Variants in FBXL17 observed in about 807,000 individuals in gnomAD.
FBXL17 encodes the protein F-box/LRR-repeat protein 17.
Under a neutral mutation model 66.2 loss-of-function variants are expected in FBXL17, and 22 were observed. That is an observed-to-expected ratio of 0.33 (90% CI 0.24 to 0.47). The LOEUF (loss-of-function observed/expected upper bound fraction) is 0.47. FBXL17 is among the 20% of genes least tolerant of loss of function. The pLI, the probability that FBXL17 is intolerant of heterozygous loss-of-function variation, is 1.00. For synonymous variants in FBXL17, 474 were observed against 400.5 expected (o/e 1.18, Z -2.19); for missense variants, 878 against 948.2 (o/e 0.93, Z 0.97).
At chr5:108,372,151 A>G (rs1034210212) in intron 1 of FBXL17, among the ~76,000 whole-genome samples, 1 of 152,190 alleles carries the variant, frequency 6.6e-6, no homozygotes, top group Non-Finnish European at 1.5e-5. Context: ...GTGTGTTACC[A>G]CTTCTTATAA....
chr5:108,359,571 C>T (rs762491283), intron 3 of FBXL17, among the ~76,000 whole-genome samples: 2 of 152,126 alleles, frequency 1.3e-5, no homozygotes, highest in Non-Finnish European at 2.9e-5. Flanking sequence ...GTACAAGACT[C>T]TGTTATTTAA....
At chr5:108,130,927 T>C (rs1342260105) in intron 6 of FBXL17, among the ~76,000 whole-genome samples, 4 of 152,152 alleles carry the variant, frequency 2.6e-5, no homozygotes, top group African/African-American at 9.6e-5. Flanking sequence ...AAAAGGAAGA[T>C]AGAATAAGTA....
At chr5:108,224,851 C>A (rs1755032901) in intron 4 of FBXL17, among the ~76,000 whole-genome samples, 2 of 151,998 alleles carry the variant, frequency 1.3e-5, no homozygotes, top group Non-Finnish European at 2.9e-5. Flanking sequence ...TGGTCTCAAA[C>A]TCCTGACCTT....
chr5:108,270,556 C>G (rs1757226703), intron 4 of FBXL17, among the ~76,000 whole-genome samples: 1 of 149,500 alleles, frequency 6.7e-6, no homozygotes, highest in African/African-American at 2.4e-5. Flanking sequence ...AACATGTTCT[C>G]AAGGAAATTT....
rs536995823 is a variant in FBXL17, at chr5:107,980,732, C to G, written c.1822+40193G>C. Among the ~76,000 whole-genome samples, 363 of 139,544 alleles carry G rather than the reference C, an allele frequency of 2.6e-3. 7 individuals carry two copies. Among genetic ancestry groups the G allele is most frequent in the Admixed American group, 5.0e-3 (68 of 13,504 alleles). 91.5% of individuals were successfully genotyped at this position (139,544 alleles called of 152,430 possible). Reference sequence around the variant, plus strand: ...AGTGCAGTGGCGCGATCTCGGCTCACTGTCAGCTCCGCCTCCCGGGTTCAT... The same window carrying G: ...AGTGCAGTGGCGCGATCTCGGCTCAGTGTCAGCTCCGCCTCCCGGGTTCAT... On this transcript the variant is annotated intron_variant, in intron 7 of 8. Coordinates refer to ENST00000542267, the MANE Select transcript of FBXL17 (RefSeq NM_001163315.3).
chr5:108,299,618 A>G (rs1055612141), intron 4 of FBXL17: 12 of 973,310 alleles, frequency 1.2e-5, no homozygotes, highest in Non-Finnish European at 1.5e-5. Flanking sequence ...ATGAATACCT[A>G]TACTTCAAAA....
At chr5:108,040,025 C>A (rs1402561034) in intron 6 of FBXL17, among the ~76,000 whole-genome samples, 1 of 152,086 alleles carries the variant, frequency 6.6e-6, no homozygotes, top group African/African-American at 2.4e-5. Flanking sequence ...TATAGTTTCT[C>A]TAAACCAAAC....
chr5:108,150,479 T>C (rs1189850228), intron 6 of FBXL17, among the ~76,000 whole-genome samples: 2 of 152,172 alleles, frequency 1.3e-5, no homozygotes, highest in African/African-American at 4.8e-5. Context: ...GCTGGGATTA[T>C]AGGCATGAGC....
chr5:108,298,546 T>C, intron 4 of FBXL17: 1 of 972,342 alleles, frequency 1.0e-6, no homozygotes, highest in Non-Finnish European at 1.2e-6. Context: ...TAAGGAGAAA[T>C]CAACAAAAAT....
chr5:107,891,673 A>G (rs1395449904), intron 7 of FBXL17, among the ~76,000 whole-genome samples: 1 of 152,164 alleles, frequency 6.6e-6, no homozygotes, highest in African/African-American at 2.4e-5. Context: ...CTTGGCTCTT[A>G]GATTTTGAAG....
At chr5:107,878,902 G>A (rs773963624) in intron 8 of FBXL17, 75 of 985,372 alleles carry the variant, frequency 7.6e-5, no homozygotes, top group Non-Finnish European at 8.6e-5. Flanking sequence ...AGACGGCGTC[G>A]TGCTGGAGCC....
At chr5:108,205,629 A>G (rs1366503498) in intron 5 of FBXL17, among the ~76,000 whole-genome samples, 2 of 152,126 alleles carry the variant, frequency 1.3e-5, no homozygotes, top group Non-Finnish European at 2.9e-5. Flanking sequence ...ATCTAGATTT[A>G]GCTGATTGTC....
chr5:108,145,315 A>T (rs1356511607), intron 6 of FBXL17, among the ~76,000 whole-genome samples: 1 of 152,180 alleles, frequency 6.6e-6, no homozygotes, highest in African/African-American at 2.4e-5. Context: ...ATGAGTAGAG[A>T]TCACATGGTA....
At chr5:108,280,431 T>G (rs1220365652) in intron 4 of FBXL17, among the ~76,000 whole-genome samples, 1 of 152,120 alleles carries the variant, frequency 6.6e-6, no homozygotes, top group Non-Finnish European at 1.5e-5. Context: ...GCTATTAGAC[T>G]GGTTTTACAA....
chr5:107,902,534 G>T (rs577331031), intron 7 of FBXL17, among the ~76,000 whole-genome samples: 1 of 152,126 alleles, frequency 6.6e-6, no homozygotes, highest in East Asian at 1.9e-4. Context: ...GAGTTGCGGC[G>T]GTCAAAATTG....
At position 107,903,573 on chromosome 5, in the gene FBXL17, C is replaced by T. The variant is rs527868684; in HGVS notation, c.1823-22394G>A. Among the ~76,000 whole-genome samples the T allele has an allele frequency of 1.4e-3, 220 of 152,160 alleles. 1 individual carries two copies. The highest frequency in any genetic ancestry group is 4.8e-3 in the African/African-American group (200 of 41,530). ...TGTTTACAGTCATGCAGTTAGTCAG[C>T]GGCAAAGCTAAGATTCACATTGAGG... is the stretch of plus-strand genomic sequence containing the variant. On this transcript the variant is annotated intron_variant, in intron 7 of 8. Transcript: ENST00000542267.
intron 4 of FBXL17, among the ~76,000 whole-genome samples, chr5:108,265,893 C>G (rs1201841368): frequency 1.3e-5 from 2 of 152,148 alleles, no homozygotes; most frequent in African/African-American, 4.8e-5. Context: ...ATCCTCAGAT[C>G]ACACTTTGAA....
intron 6 of FBXL17, among the ~76,000 whole-genome samples, chr5:108,050,025 C>T (rs916949186): frequency 2.0e-5 from 3 of 151,916 alleles, no homozygotes; most frequent in Non-Finnish European, 2.9e-5. Context: ...ATCAATTCAA[C>T]AAGAAGAGCT....
At chr5:108,362,289 T>G (rs981513099) in intron 3 of FBXL17, among the ~76,000 whole-genome samples, 7 of 152,184 alleles carry the variant, frequency 4.6e-5, no homozygotes, top group African/African-American at 1.7e-4. Flanking sequence ...AAATTTCTAC[T>G]GAGCTCCATG....
Sources: allele counts gnomAD v4.1 joint callset (sites outside exome capture counted in the v4.1 genomes callset), GRCh38; gene constraint gnomAD v4.1.1; transcripts MANE v1.5; gene names NCBI Gene and HGNC (gene_info 2026-07-23, HGNC 2026-07-21).